The following DAB1 variants were observed in gnomAD, a reference collection of about 807,000 sequenced individuals.
The protein encoded by DAB1 is disabled homolog 1.
In DAB1, 15 loss-of-function variants were observed where a neutral mutation model predicts 64.6. That is an observed-to-expected ratio of 0.23 (90% confidence interval 0.16 to 0.36). The LOEUF (loss-of-function observed/expected upper bound fraction) is 0.36. Among genes scored for constraint, DAB1 ranks in the 10% least tolerant of loss-of-function variants. The pLI, the probability that DAB1 is intolerant of heterozygous loss-of-function variation, is 1.00. For missense variants in DAB1, 596 were observed against 706.7 expected (o/e 0.84, Z 1.78); for synonymous variants, 235 against 251.9 (o/e 0.93, Z 0.64).
intron 5 of DAB1, among the ~76,000 whole-genome samples, chr1:57,979,712 A>C (rs1325977850): frequency 6.6e-6 from 1 of 152,340 alleles, no homozygotes; most frequent in East Asian, 1.9e-4. Flanking sequence ...TATCTACATT[A>C]TGTTAAGTAC....
chr1:57,032,396 A>G (rs1323736770), intron 9 of DAB1, among the ~76,000 whole-genome samples: 1 of 152,178 alleles, frequency 6.6e-6, no homozygotes, highest in African/African-American at 2.4e-5. Flanking sequence ...GGAGGAGAGA[A>G]GCACAGGGGG....
chr1:57,795,690 G>GATT (rs1270547155), intron 6 of DAB1, among the ~76,000 whole-genome samples: 21 of 69,098 alleles, frequency 3.0e-4, no homozygotes, highest in African/African-American at 1.2e-3. Context: ...TATGCTTGGA[G>GATT]ATATATATAT....
intron 7 of DAB1, among the ~76,000 whole-genome samples, chr1:57,472,785 T>C (rs1687187770): frequency 6.6e-6 from 1 of 152,202 alleles, no homozygotes; most frequent in African/African-American, 2.4e-5. Flanking sequence ...AACTCATGTC[T>C]GAGGAGTTTT....
chr1:57,401,558 T>C (rs1683244686), intron 1 of DAB1, among the ~76,000 whole-genome samples: 1 of 152,146 alleles, frequency 6.6e-6, no homozygotes, highest in Non-Finnish European at 1.5e-5. Flanking sequence ...AACTCCCAAC[T>C]ATAGTCATTA....
chr1:58,435,618 G>A lies in DAB1; in HGVS notation n.257+70442C>T, dbSNP rs924562372. Among the ~76,000 whole-genome samples, 7 of 151,950 alleles carry A rather than the reference G, an allele frequency of 4.6e-5. No individual in the cohort carries two copies. In the East Asian group the frequency reaches 5.8e-4, roughly 13 times the overall value. Reference sequence around the variant, plus strand: ...GTTTCCTTTGCTCTGTCATCCCCTCGTCCTGGAATTCCCTCCTGCCTAGCC... The same window carrying A: ...GTTTCCTTTGCTCTGTCATCCCCTCATCCTGGAATTCCCTCCTGCCTAGCC... On this transcript the variant is annotated intron_variant and non_coding_transcript_variant, in intron 3 of 20. Transcript: ENST00000485760.
At position 58,508,143 on chromosome 1, in the gene DAB1, A is replaced by G. The variant is rs1325743511; in HGVS notation, n.108-1934T>C. Among the ~76,000 whole-genome samples, 2 of 152,196 alleles carry G rather than the reference A, an allele frequency of 1.3e-5. 1 individual carries two copies. Among genetic ancestry groups the G allele is most frequent in the African/African-American group, 4.8e-5 (2 of 41,450 alleles). ...GAAATTAATTATCCCTACAGACTAG[A>G]AAGTATTCCAAGCTAAAAGTATTAA... is the stretch of plus-strand genomic sequence containing the variant. On this transcript the variant is annotated intron_variant and non_coding_transcript_variant, in intron 2 of 20. Coordinates refer to the DAB1 transcript ENST00000485760.
At chr1:58,186,636 A>G (rs995377015) in intron 4 of DAB1, among the ~76,000 whole-genome samples, 9 of 152,216 alleles carry the variant, frequency 5.9e-5, no homozygotes, top group Non-Finnish European at 8.8e-5. Flanking sequence ...TTTTTCTGCA[A>G]TAATGCTGAA....
chr1:57,624,431 T>C (rs1039748917), intron 7 of DAB1, among the ~76,000 whole-genome samples: 1 of 152,146 alleles, frequency 6.6e-6, no homozygotes. Flanking sequence ...TGGTTGGGCA[T>C]ACTCAATGAG....
chr1:57,300,020 G>A (rs1227261848), intron 1 of DAB1, among the ~76,000 whole-genome samples: 1 of 151,954 alleles, frequency 6.6e-6, no homozygotes, highest in Non-Finnish European at 1.5e-5. Context: ...TCATACAGCT[G>A]CGTGTCTGTC....
At chr1:57,606,821 C>A (rs1338954928) in intron 7 of DAB1, among the ~76,000 whole-genome samples, 1 of 143,486 alleles carries the variant, frequency 7.0e-6, no homozygotes, top group African/African-American at 2.6e-5. Context: ...CAGATTTTCA[C>A]CCTTGTTGCC....
At chr1:57,228,750 C>T in intron 2 of DAB1, among the ~76,000 whole-genome samples, 1 of 151,984 alleles carries the variant, frequency 6.6e-6, no homozygotes. Context: ...TTGTAATATC[C>T]TCTCACATGA....
chr1:58,056,379 C>T (rs1404326781), intron 5 of DAB1: 1 of 1,585,452 alleles, frequency 6.3e-7, no homozygotes, highest in Non-Finnish European at 8.6e-7. Context: ...TCTTAATGGC[C>T]TTGTCCTTGG....
rs114573409 is a variant in DAB1, at chr1:58,403,093, T to C, written n.258-59690A>G. ...CCTCAGAGACAGAGACTAGGATTCA[T>C]TGCAGTTGAGTTGTGTTAAAGTAAA... On this transcript the variant is annotated intron_variant and non_coding_transcript_variant, in intron 3 of 20. Coordinates refer to the DAB1 transcript ENST00000485760. Among the ~76,000 whole-genome samples, 1,065 of 152,332 alleles carry C rather than the reference T, an allele frequency of 7.0e-3. 14 individuals carry two copies. The highest frequency in any genetic ancestry group is 0.024 in the African/African-American group (1,015 of 41,574).
intron 5 of DAB1, among the ~76,000 whole-genome samples, chr1:57,936,197 C>T (rs979361400): frequency 6.6e-6 from 1 of 152,200 alleles, no homozygotes; most frequent in Non-Finnish European, 1.5e-5. Context: ...ACAGCAGTAA[C>T]TCACATGTTT....
intron 2 of DAB1, among the ~76,000 whole-genome samples, chr1:58,523,885 C>T (rs1192719697): frequency 6.6e-6 from 1 of 151,894 alleles, no homozygotes; most frequent in Non-Finnish European, 1.5e-5. Flanking sequence ...GGTGACAGAG[C>T]GAGACTCCAT....
At chr1:57,288,054 C>T (rs765341484) in intron 2 of DAB1, among the ~76,000 whole-genome samples, 49 of 152,226 alleles carry the variant, frequency 3.2e-4, no homozygotes, top group Non-Finnish European at 5.7e-4. Flanking sequence ...CCTCAGCCTC[C>T]GAAAGTGCAG....
chr1:57,565,340 T>C (rs1457018710), intron 7 of DAB1, among the ~76,000 whole-genome samples: 2 of 152,158 alleles, frequency 1.3e-5, no homozygotes, highest in Non-Finnish European at 2.9e-5. Flanking sequence ...TAAAGACCAT[T>C]GATGCTAGGA....
intron 6 of DAB1, among the ~76,000 whole-genome samples, chr1:57,723,026 T>G (rs1459490625): frequency 6.6e-6 from 1 of 152,216 alleles, no homozygotes; most frequent in East Asian, 1.9e-4. Flanking sequence ...GTTCATGGCC[T>G]GCTGGATAAA....
intron 1 of DAB1, among the ~76,000 whole-genome samples, chr1:57,389,903 C>T (rs1372002390): frequency 6.6e-6 from 1 of 152,122 alleles, no homozygotes; most frequent in Non-Finnish European, 1.5e-5. Context: ...AGTTGTTTAC[C>T]TATATCAACT....
Sources: gnomAD v4.1 joint callset for allele counts (sites outside exome capture counted in the v4.1 genomes callset) on GRCh38, gnomAD v4.1.1 for gene constraint, MANE v1.5 for transcripts, NCBI Gene and HGNC (gene_info 2026-07-23, HGNC 2026-07-21) for gene names.